Variants in CAMK1D observed in about 807,000 individuals in gnomAD.
CAMK1D encodes the protein calcium/calmodulin-dependent protein kinase type 1D.
A neutral mutation model predicts 47.7 loss-of-function variants in CAMK1D; 9 were observed. The observed-to-expected ratio is 0.19, with a 90% CI of 0.11 to 0.33. The LOEUF (loss-of-function observed/expected upper bound fraction) is 0.33, where lower values mean the gene tolerates loss of function less well. CAMK1D is among the 10% of genes least tolerant of loss of function. The probability of loss-of-function intolerance (pLI) is 1.00; values close to 1 mark genes in which losing one functional copy is unlikely to be tolerated. For missense variants in CAMK1D, 291 were observed against 488.7 expected, an observed-to-expected ratio of 0.60 and a Z score of 3.81; for synonymous variants, 184 against 184.9, an observed-to-expected ratio of 0.99 and a Z score of 0.04.
intron 1 of CAMK1D, among the ~76,000 whole-genome samples, chr10:12,354,301 G>A (rs1837435314): frequency 6.6e-6 from 1 of 152,074 alleles, no homozygotes; most frequent in South Asian, 2.1e-4. Flanking sequence ...GCCATGAGGG[G>A]TTTTGTGGCC....
chr10:12,600,935 C>T (rs1838283069), intron 2 of CAMK1D, among the ~76,000 whole-genome samples: 1 of 152,216 alleles, frequency 6.6e-6, no homozygotes, highest in South Asian at 2.1e-4. Context: ...CTTCCACCCA[C>T]CCATGTTGCT....
chr10:12,498,080 C>G (rs1834595297), intron 1 of CAMK1D, among the ~76,000 whole-genome samples: 1 of 152,174 alleles, frequency 6.6e-6, no homozygotes, highest in South Asian at 2.1e-4. Flanking sequence ...AAAACCCACC[C>G]TTATGATTCA....
intron 2 of CAMK1D, among the ~76,000 whole-genome samples, chr10:12,560,492 G>T (rs1836901735): frequency 6.7e-6 from 1 of 149,716 alleles, no homozygotes; most frequent in Non-Finnish European, 1.5e-5. Context: ...GGTGGAAGTT[G>T]CAGGGAGCCA....
chr10:12,493,814 T>C (rs996898709), intron 1 of CAMK1D, among the ~76,000 whole-genome samples: 5 of 152,142 alleles, frequency 3.3e-5, no homozygotes, highest in African/African-American at 1.2e-4. Context: ...TTTTTAGTTA[T>C]CTAGGTTATG....
At chr10:12,821,782 C>A (rs1833021321) in intron 8 of CAMK1D, among the ~76,000 whole-genome samples, 2 of 152,246 alleles carry the variant, frequency 1.3e-5, no homozygotes, top group Non-Finnish European at 2.9e-5. Context: ...CAAGACCAGC[C>A]TGGCCAATAT....
intron 2 of CAMK1D, chr10:12,653,298 C>T (rs1840030015): frequency 6.5e-6 from 1 of 152,974 alleles, no homozygotes; most frequent in Non-Finnish European, 1.5e-5. Context: ...AATACTGCCA[C>T]ATTAGGGATT....
chr10:12,827,464 G>GTCTTTCTTTCTTTCTTTCTTTCTTTCTT lies in CAMK1D; in HGVS notation c.1040-1302_1040-1301insTTCTTTCTTTCTTTCTTTCTTTCTTTCT, dbSNP rs1564594078. Among the ~76,000 whole-genome samples the GTCTTTCTTTCTTTCTTTCTTTCTTTCTT allele has an allele frequency of 8.3e-3, 50 of 6,004 alleles. 21 individuals are homozygous for GTCTTTCTTTCTTTCTTTCTTTCTTTCTT. Among genetic ancestry groups the GTCTTTCTTTCTTTCTTTCTTTCTTTCTT allele is most frequent in the African/African-American group, 0.012 (33 of 2,724 alleles). The allele number at this position is 6,004 out of a possible 152,430, so 3.9% of individuals were successfully genotyped here. A position where few individuals can be genotyped will look rare whatever the true frequency, so the allele number is the denominator to read the frequency against. On this transcript the variant is annotated intron_variant, in intron 10 of 10. Transcript: ENST00000619168. ...CTTTCTTTCTTTCTTTTCTTTCTTT[G>GTCTTTCTTTCTTTCTTTCTTTCTTTCTT]TCTGTCTGTCTTTCTTTCTTTCTTT...
At chr10:12,819,740 A>G (rs932841730) in intron 8 of CAMK1D, among the ~76,000 whole-genome samples, 5 of 152,244 alleles carry the variant, frequency 3.3e-5, no homozygotes, top group African/African-American at 7.2e-5. Flanking sequence ...AGACAACCCA[A>G]TCTGGTGGGA....
chr10:12,780,858 C>G (rs1356633058), intron 5 of CAMK1D, among the ~76,000 whole-genome samples: 1 of 152,210 alleles, frequency 6.6e-6, no homozygotes, highest in Non-Finnish European at 1.5e-5. Context: ...TCAACAGCCA[C>G]TTGGTGACAG....
intron 1 of CAMK1D, among the ~76,000 whole-genome samples, chr10:12,493,037 A>G (rs1349925206): frequency 6.6e-6 from 1 of 152,072 alleles, no homozygotes. Context: ...CATGGATGAA[A>G]CCCTTGCACA....
At chr10:12,615,476 G>A (rs950142692) in intron 2 of CAMK1D, among the ~76,000 whole-genome samples, 2 of 151,408 alleles carry the variant, frequency 1.3e-5, no homozygotes, top group Admixed American at 1.3e-4. Context: ...GTGTGTGCAC[G>A]TGTGTAGGTG....
At chr10:12,684,055 G>A (rs1213022609) in intron 3 of CAMK1D, among the ~76,000 whole-genome samples, 2 of 152,054 alleles carry the variant, frequency 1.3e-5, no homozygotes, top group African/African-American at 4.8e-5. Flanking sequence ...GAAGGACAGG[G>A]TATTTCTTGT....
At chr10:12,548,066 C>G (rs993712694) in intron 1 of CAMK1D, among the ~76,000 whole-genome samples, 8 of 152,186 alleles carry the variant, frequency 5.3e-5, no homozygotes, top group African/African-American at 1.9e-4. Context: ...CAGCGTGACA[C>G]ATTGAGAAAG....
intron 1 of CAMK1D, among the ~76,000 whole-genome samples, chr10:12,506,623 A>G (rs1834881452): frequency 6.6e-6 from 1 of 151,768 alleles, no homozygotes; most frequent in Non-Finnish European, 1.5e-5. Flanking sequence ...GGTTCACGCC[A>G]TTCTCCTGCC....
At chr10:12,808,630 T>C (rs1832468390) in intron 6 of CAMK1D, among the ~76,000 whole-genome samples, 1 of 150,920 alleles carries the variant, frequency 6.6e-6, no homozygotes, top group South Asian at 2.1e-4. Context: ...ATACAAAAAA[T>C]GCCGGGTGTA....
At chr10:12,752,337 G>T (rs17152205) in intron 3 of CAMK1D, among the ~76,000 whole-genome samples, 32,750 of 152,104 alleles carry the variant, frequency 0.22, 3,605 homozygotes, top group East Asian at 0.29. Flanking sequence ...TGTGCTAGAA[G>T]AGTTTTAGTA....
At chr10:12,693,912 A>G (rs1004234416) in intron 3 of CAMK1D, among the ~76,000 whole-genome samples, 1 of 109,736 alleles carries the variant, frequency 9.1e-6, no homozygotes, top group African/African-American at 3.5e-5. Flanking sequence ...TATATATAAT[A>G]TATATAAAAA....
At chr10:12,453,539 C>T (rs1833153098) in intron 1 of CAMK1D, among the ~76,000 whole-genome samples, 1 of 152,148 alleles carries the variant, frequency 6.6e-6, no homozygotes. Context: ...ATGGCTAGAT[C>T]ATATTTCGCT....
chr10:12,813,677 C>G (rs1357360631), intron 6 of CAMK1D, among the ~76,000 whole-genome samples: 3 of 152,176 alleles, frequency 2.0e-5, no homozygotes, highest in Non-Finnish European at 4.4e-5. Flanking sequence ...ACTCCTGTGT[C>G]ACCTATCCTT....
Sources: gnomAD v4.1 joint callset for allele counts (sites outside exome capture counted in the v4.1 genomes callset) on GRCh38, gnomAD v4.1.1 for gene constraint, MANE v1.5 for transcripts, NCBI Gene and HGNC (gene_info 2026-07-23, HGNC 2026-07-21) for gene names.